Variants in BMP6 observed in about 807,000 individuals in gnomAD.
BMP6 encodes VG-1-R.
Under a neutral mutation model 54.1 loss-of-function variants are expected in BMP6, and 17 were observed. That is an observed-to-expected ratio of 0.31 (90% CI 0.22 to 0.47). BMP6 has a LOEUF of 0.47. Ranked by LOEUF, BMP6 falls within the 20% of genes least tolerant of loss-of-function variation. BMP6 has a pLI of 1.00. For missense variants in BMP6, 720 were observed against 690.4 expected (o/e 1.04, Z -0.48); for synonymous variants, 328 against 291.2 (o/e 1.13, Z -1.28).
At chr6:7,827,609 G>T (rs1758720020) in intron 1 of BMP6, among the ~76,000 whole-genome samples, 1 of 152,144 alleles carries the variant, frequency 6.6e-6, no homozygotes, top group Non-Finnish European at 1.5e-5. Flanking sequence ...GGAAATTATT[G>T]CAGAGCAACA....
At chr6:7,823,474 G>C (rs369106021) in intron 1 of BMP6, among the ~76,000 whole-genome samples, 1 of 152,162 alleles carries the variant, frequency 6.6e-6, no homozygotes, top group Non-Finnish European at 1.5e-5. Context: ...CTCATGAAAC[G>C]TGCATTCTAG....
rs531822426 is a variant in BMP6, at chr6:7,810,345, A to C, written c.665-34795A>C. 3.9e-5 allele frequency among the ~76,000 whole-genome samples: 6 copies of C among 152,348 alleles called. No individual in the cohort carries two copies. The East Asian group carries it at 7.7e-4, about 20-fold the overall frequency. ...AGGGGTATGAGAAGACATCAGTTCAATATCTTGAATTTGCAAAAGAGCTCA... is the reference window on the plus strand; with the variant it reads ...AGGGGTATGAGAAGACATCAGTTCACTATCTTGAATTTGCAAAAGAGCTCA... On this transcript the variant is annotated intron_variant, in intron 1 of 6. Coordinates refer to ENST00000283147, the MANE Select transcript of BMP6 (RefSeq NM_001718.6).
chr6:7,825,751 A>T (rs1758687749), intron 1 of BMP6, among the ~76,000 whole-genome samples: 1 of 151,758 alleles, frequency 6.6e-6, no homozygotes, highest in African/African-American at 2.4e-5. Flanking sequence ...CAAAAAAAAA[A>T]CTTTAGTGTT....
In BMP6 at chr6:7,778,232, G is replaced by C. The variant is rs577817636; in HGVS notation, c.664+50613G>C. Among the ~76,000 whole-genome samples, 21 of 152,300 alleles carry C rather than the reference G, an allele frequency of 1.4e-4. 1 individual carries two copies. In the East Asian group the frequency reaches 3.9e-3, roughly 28 times the overall value. Reference sequence around the variant, plus strand: ...GGTGTACACAGGATAAATGCACGTTGTAGAAAAAGAAGTGTGTATGGGTGC... The same window carrying C: ...GGTGTACACAGGATAAATGCACGTTCTAGAAAAAGAAGTGTGTATGGGTGC... On this transcript the variant is annotated intron_variant, in intron 1 of 6. Coordinates refer to ENST00000283147, the MANE Select transcript of BMP6 (RefSeq NM_001718.6).
intron 1 of BMP6, among the ~76,000 whole-genome samples, chr6:7,736,152 A>T (rs980342648): frequency 2.6e-5 from 4 of 152,094 alleles, no homozygotes; most frequent in African/African-American, 4.8e-5. Flanking sequence ...TAAGTCTAGG[A>T]GTTTAAAAAT....
intron 1 of BMP6, among the ~76,000 whole-genome samples, chr6:7,808,914 T>TAAAAAAAA (rs70982107): frequency 1.1e-4 from 10 of 88,968 alleles, no homozygotes; most frequent in Admixed American, 5.4e-4. Context: ...ACCCTGTCTC[T>TAAAAAAAA]AAAAAAAAAA....
At chr6:7,759,448 A>G (rs1757574561) in intron 1 of BMP6, among the ~76,000 whole-genome samples, 1 of 152,166 alleles carries the variant, frequency 6.6e-6, no homozygotes, top group Non-Finnish European at 1.5e-5. Flanking sequence ...CTTTGGTTCT[A>G]GTCCTGGTTC....
At chr6:7,808,309 C>A (rs545551032) in intron 1 of BMP6, among the ~76,000 whole-genome samples, 1 of 152,288 alleles carries the variant, frequency 6.6e-6, no homozygotes, top group South Asian at 2.1e-4. Context: ...AAACAAACTT[C>A]TGCAAAATCT....
At chr6:7,839,163 A>G (rs1033926489) in intron 1 of BMP6, among the ~76,000 whole-genome samples, 1 of 152,016 alleles carries the variant, frequency 6.6e-6, no homozygotes, top group Non-Finnish European at 1.5e-5. Context: ...TCACTTTAAC[A>G]ATTTTATTAT....
rs1301927293 is a variant in BMP6, at chr6:7,727,463, C to G, written c.508C>G (p.Gln170Glu). ...SWPHEAASSSQRRQPPPGAAH... is the reference protein window; with the variant it reads ...SWPHEAASSSERRQPPPGAAH... Reference sequence around the variant, plus strand: ...GCCCCACGAAGCAGCCAGCTCGTCCCAGCGTCGGCAGCCGCCCCCGGGCGC... The same window carrying G: ...GCCCCACGAAGCAGCCAGCTCGTCCGAGCGTCGGCAGCCGCCCCCGGGCGC... The change falls in exon 1 of 7, where the codon CAG becomes GAG. Residue 170 changes from glutamine to glutamate, a missense_variant. Around this residue, in one of 3 missense-constraint regions of BMP6, gnomAD observed 650 missense variants for 556.3 expected, o/e 1.17. Transcript: ENST00000283147. The G allele has an allele frequency of 6.3e-7, 1 of 1,596,422 alleles. No individual in the cohort carries two copies. Among genetic ancestry groups the G allele is most frequent in the South Asian group, 1.1e-5 (1 of 89,742 alleles).
intron 1 of BMP6, among the ~76,000 whole-genome samples, chr6:7,813,955 C>T (rs1226589504): frequency 6.6e-6 from 1 of 152,180 alleles, no homozygotes; most frequent in Non-Finnish European, 1.5e-5. Context: ...CCAATCCTTC[C>T]TTTCAGGTTG....
At chr6:7,800,079 G>GGTGTGTGTGTGTGTGT (rs72469855) in intron 1 of BMP6, among the ~76,000 whole-genome samples, 5 of 145,066 alleles carry the variant, frequency 3.4e-5, no homozygotes, top group African/African-American at 7.6e-5. Flanking sequence ...TAAAGGAAGG[G>GGTGTGTGTGTGTGTGT]GTGTGTGTGT....
chr6:7,874,163 G>A (rs1238459521), intron 4 of BMP6, among the ~76,000 whole-genome samples: 1 of 152,092 alleles, frequency 6.6e-6, no homozygotes, highest in African/African-American at 2.4e-5. Context: ...TGGTTAGGAG[G>A]GCCAGGCCTG....
At chr6:7,821,941 C>T (rs1239349191) in intron 1 of BMP6, among the ~76,000 whole-genome samples, 2 of 151,948 alleles carry the variant, frequency 1.3e-5, no homozygotes, top group Admixed American at 6.6e-5. Context: ...ATAGGGCTTA[C>T]GGTTATGAAT....
At chr6:7,839,612 G>T (rs1561788140) in intron 1 of BMP6, among the ~76,000 whole-genome samples, 2 of 152,184 alleles carry the variant, frequency 1.3e-5, no homozygotes, top group Non-Finnish European at 1.5e-5. Flanking sequence ...TGTCCTCGGG[G>T]TTCATGTGGT....
chr6:7,744,683 TC>T (rs1228064696), intron 1 of BMP6, among the ~76,000 whole-genome samples: 4 of 152,230 alleles, frequency 2.6e-5, no homozygotes, highest in Non-Finnish European at 4.4e-5. Context: ...ACTAGAAAGT[TC>T]CCTCAGGCTG....
chr6:7,751,615 A>T (rs1322066620), intron 1 of BMP6, among the ~76,000 whole-genome samples: 3 of 152,228 alleles, frequency 2.0e-5, no homozygotes, highest in Non-Finnish European at 2.9e-5. Context: ...AAACATCATT[A>T]AATTATATTT....
At chr6:7,758,387 A>G (rs1280081493) in intron 1 of BMP6, among the ~76,000 whole-genome samples, 1 of 152,184 alleles carries the variant, frequency 6.6e-6, no homozygotes. Flanking sequence ...GAATAGATTC[A>G]GTGAGTTTTG....
intron 1 of BMP6, among the ~76,000 whole-genome samples, chr6:7,804,178 A>G (rs1190799831): frequency 2.6e-5 from 4 of 152,242 alleles, no homozygotes; most frequent in Non-Finnish European, 5.9e-5. Flanking sequence ...GTTTAGTAGT[A>G]AGCCCAAATG....
Sources: gnomAD v4.1 joint callset for allele counts (sites outside exome capture counted in the v4.1 genomes callset) on GRCh38, gnomAD v4.1.1 for gene constraint, gnomAD v4.1.1 regional missense constraint, MANE v1.5 for transcripts, NCBI Gene and HGNC (gene_info 2026-07-23, HGNC 2026-07-21) for gene names.